Variants in SPACA6 observed in about 807,000 individuals in gnomAD.
The protein encoded by SPACA6 is sperm acrosome membrane-associated protein 6.
For missense variants in SPACA6, 8 were observed against 2.8 expected, an observed-to-expected ratio of 2.88 and a Z score of -1.34; for synonymous variants, 6 against 1.5, an observed-to-expected ratio of 4.05 and a Z score of -2.21.
chr19:51,694,073 A>T, intron 1 of SPACA6: 2 of 223,976 alleles, frequency 8.9e-6, no homozygotes, highest in Non-Finnish European at 1.5e-5. Flanking sequence ...GAGGATGGAC[A>T]CTCGGGAGGA....
upstream of SPACA6, among the ~76,000 whole-genome samples, chr19:51,691,827 G>A (rs2083375997): frequency 6.6e-6 from 1 of 151,988 alleles, no homozygotes; most frequent in Admixed American, 6.6e-5. Flanking sequence ...TGGGTGCTGG[G>A]TCCCGGGGTC....
chr19:51,691,175 G>A (rs75358052), upstream of SPACA6, among the ~76,000 whole-genome samples: 578 of 143,236 alleles, frequency 4.0e-3, 1 homozygote, highest in African/African-American at 0.015. Context: ...CTCGAGCTGC[G>A]AGGGGGAGGG....
downstream of SPACA6, chr19:51,705,344 G>T (rs990517190): frequency 5.4e-6 from 2 of 369,412 alleles, no homozygotes; most frequent in Non-Finnish European, 9.6e-6. Flanking sequence ...ACCCCCTCAG[G>T]TTACTGGCTG....
upstream of SPACA6, chr19:51,692,469 G>T (rs2083382186): frequency 2.6e-6 from 1 of 381,798 alleles, no homozygotes; most frequent in Non-Finnish European, 5.1e-6. The surrounding 1 kb of genome is among the most constrained non-coding windows in gnomAD (Gnocchi z 5.6). Flanking sequence ...TCTGTGGTGA[G>T]GAAGGGCCTA....
chr19:51,687,419 T>C (rs1484706252), upstream of SPACA6: 1 of 151,102 alleles, frequency 6.6e-6, no homozygotes, highest in Non-Finnish European at 1.5e-5. Context: ...CAATGGAATA[T>C]TATATCACTA....
chr19:51,690,585 C>T (rs1293208586), upstream of SPACA6, among the ~76,000 whole-genome samples: 2 of 152,146 alleles, frequency 1.3e-5, no homozygotes, highest in African/African-American at 4.8e-5. Context: ...CTTGGGGGCT[C>T]CCCAGGGTCC....
At chr19:51,698,707 A>G (rs1299029757) in intron 2 of SPACA6, among the ~76,000 whole-genome samples, 2 of 152,184 alleles carry the variant, frequency 1.3e-5, no homozygotes, top group African/African-American at 4.8e-5. Flanking sequence ...TTTCTTGCCA[A>G]TATCCTCAGT....
At chr19:51,694,348 G>T in intron 1 of SPACA6, 130 bp from the exon 2 acceptor site, 1 of 397,104 alleles carries the variant, frequency 2.5e-6, no homozygotes, top group East Asian at 3.6e-5. Flanking sequence ...AGCGACTGTG[G>T]GGCAAAGAGT....
chr19:51,688,797 G>T (rs901968497), upstream of SPACA6, among the ~76,000 whole-genome samples: 2 of 152,044 alleles, frequency 1.3e-5, no homozygotes, highest in African/African-American at 4.8e-5. Flanking sequence ...AGGGCGAAAG[G>T]AAGGACAGAT....
intron 1 of SPACA6, chr19:51,694,076 C>CAA (rs10689461): frequency 1.6e-5 from 4 of 251,366 alleles, no homozygotes; most frequent in African/African-American, 9.3e-5. Context: ...GATGGACACT[C>CAA]GGGAGGATGG....
chr19:51,703,285 TC>T lies in SPACA6; in HGVS notation c.523del (p.Gln175SerfsTer53). Reference protein sequence around the residue: ...DQAMFSCIVNFQLPKEEITYS... With the variant: ...DQAMFSCIVNXQLPKEEITYS... Reference sequence around the variant, plus strand: ...GCTATGTTTTCTTGCATCGTAAACTTCCAGCTGCCAAAGGAGGAGATCACCT... The same window carrying T: ...GCTATGTTTTCTTGCATCGTAAACTTCAGCTGCCAAAGGAGGAGATCACCT... On this transcript the variant is annotated frameshift_variant, in exon 6 of 9. Coordinates refer to ENST00000637797, the MANE Select transcript of SPACA6 (RefSeq NM_001316972.2). LOFTEE classifies it high-confidence loss of function. This position sits in a 1 kb window ranked among gnomAD's most constrained non-coding sequence, Gnocchi z 4.2. The T allele has an allele frequency of 2.5e-6, 1 of 399,388 alleles. No individual in the cohort carries two copies. Among genetic ancestry groups the T allele is most frequent in the Non-Finnish European group, 4.4e-6 (1 of 226,132 alleles). 24.7% of individuals were successfully genotyped at this position (399,388 alleles called of 1,614,324 possible). A position where few individuals can be genotyped will look rare whatever the true frequency, so the allele number is the denominator to read the frequency against.
At chr19:51,682,871 T>C in the SPACA6 span, among the ~76,000 whole-genome samples, 1 of 152,088 alleles carries the variant, frequency 6.6e-6, no homozygotes, top group Admixed American at 6.6e-5. Flanking sequence ...GGTAAGATCC[T>C]GTCTCTACTA....
At chr19:51,691,178 G>C (rs982905052), upstream of SPACA6, among the ~76,000 whole-genome samples, 2 of 140,100 alleles carry the variant, frequency 1.4e-5, no homozygotes, top group African/African-American at 2.8e-5. Context: ...GAGCTGCGAG[G>C]GGGAGGGAGA....
chr19:51,705,047 C>T (rs2083507876), intron 8 of SPACA6, 43 bp from the exon 9 acceptor site: 2 of 400,524 alleles, frequency 5.0e-6, no homozygotes, highest in African/African-American at 2.1e-5. Context: ...AGTTTCTAGT[C>T]ACCAACCCCT....
chr19:51,694,436 G>A (rs1458873744), intron 1 of SPACA6, 42 bp from the exon 2 acceptor site: 2 of 399,136 alleles, frequency 5.0e-6, no homozygotes, highest in Non-Finnish European at 8.8e-6. Flanking sequence ...GGTGTTGCGG[G>A]GAGCTGCCTC....
downstream of SPACA6, among the ~76,000 whole-genome samples, chr19:51,706,670 C>CTT (rs66487452): frequency 1.0e-4 from 15 of 146,692 alleles, no homozygotes; most frequent in African/African-American, 2.5e-4. Context: ...AATGTTAACT[C>CTT]TTTTTTTTTT....
downstream of SPACA6, among the ~76,000 whole-genome samples, chr19:51,709,904 G>C (rs1294355493): frequency 6.6e-6 from 1 of 152,162 alleles, no homozygotes; most frequent in African/African-American, 2.4e-5. Flanking sequence ...GAGAGGCCAA[G>C]AGTAACCACA....
chr19:51,702,492 C>T (rs2083476791), intron 3 of SPACA6, 137 bp from the exon 4 acceptor site: 2 of 394,358 alleles, frequency 5.1e-6, no homozygotes, highest in South Asian at 1.4e-4. Context: ...GGCTTGACCC[C>T]GCCCCCAGGT....
At chr19:51,699,172 T>C (rs934468369) in intron 2 of SPACA6, among the ~76,000 whole-genome samples, 1 of 152,202 alleles carries the variant, frequency 6.6e-6, no homozygotes, top group Non-Finnish European at 1.5e-5. Context: ...CACACCTGGC[T>C]AATTTATAAA....
Sources: gnomAD v4.1 joint callset for allele counts (sites outside exome capture counted in the v4.1 genomes callset) on GRCh38, gnomAD v4.1.1 for gene constraint, Gnocchi (gnomAD v3.1) non-coding constraint, MANE v1.5 for transcripts, NCBI Gene and HGNC (gene_info 2026-07-23, HGNC 2026-07-21) for gene names.